FBN2: variants seen among roughly 807,000 people sequenced by gnomAD.
FBN2 encodes the protein fibrillin 2, also known as fibrillin-2.
FBN2 carries 105 observed loss-of-function variants against 355.6 expected under a neutral mutation model. The observed-to-expected ratio is 0.30, with a 90% CI of 0.25 to 0.35. The LOEUF (loss-of-function observed/expected upper bound fraction) is 0.35. FBN2 is among the 10% of genes least tolerant of loss of function. The probability of loss-of-function intolerance (pLI) is 1.00; values close to 1 mark genes in which losing one functional copy is unlikely to be tolerated. For missense variants in FBN2, 3,280 were observed against 3,758.7 expected, an observed-to-expected ratio of 0.87 and a Z score of 3.33; for synonymous variants, 1,350 against 1,301.2, an observed-to-expected ratio of 1.04 and a Z score of -0.81.
At chr5:128,394,721 C>T (rs1752601534) in intron 9 of FBN2, among the ~76,000 whole-genome samples, 1 of 152,168 alleles carries the variant, frequency 6.6e-6, no homozygotes. Context: ...CACAAAAACA[C>T]TCAAGTCATA....
At position 128,280,251 on chromosome 5, in the gene FBN2, C is replaced by T. The variant is rs1765498718; in HGVS notation, c.7079G>A (p.Ser2360Asn). 6.2e-7 allele frequency: 1 copy of T among 1,610,914 alleles called. No individual in the cohort carries two copies. Among genetic ancestry groups the T allele is most frequent in the Admixed American group, 1.7e-5 (1 of 59,994 alleles). Residue 2360 changes from serine (S) to asparagine (N), a missense_variant, in exon 56 of 65, where the codon AGC (serine) becomes AAC (asparagine). Transcript: ENST00000262464. ...TCCTTCATTACACTCACATCTATAG[C>T]TTCCAATAATGTTAACACAACGTCC... ...ENGRCVNIIG[S>N]YRCECNEGFQ...
intron 15 of FBN2, among the ~76,000 whole-genome samples, chr5:128,373,325 G>A (rs73345263): frequency 0.035 from 5,273 of 152,258 alleles, 281 homozygotes; most frequent in African/African-American, 0.12. Flanking sequence ...AGCTCTGTAA[G>A]CAGGAAGAAG....
At chr5:128,424,905 C>T (rs1753445840) in intron 7 of FBN2, among the ~76,000 whole-genome samples, 1 of 152,062 alleles carries the variant, frequency 6.6e-6, no homozygotes, top group Non-Finnish European at 1.5e-5. Flanking sequence ...TTACTGATAA[C>T]ATAGTCAAAC....
At chr5:128,306,729 C>G (rs1183080642) in intron 42 of FBN2, among the ~76,000 whole-genome samples, 3 of 152,012 alleles carry the variant, frequency 2.0e-5, no homozygotes, top group African/African-American at 7.3e-5. Flanking sequence ...TAAGTCTGCA[C>G]ATTCATATTT....
chr5:128,444,586 G>A (rs750930519), intron 7 of FBN2, among the ~76,000 whole-genome samples: 19 of 152,144 alleles, frequency 1.2e-4, no homozygotes, highest in Non-Finnish European at 2.6e-4. Flanking sequence ...TGGTTAAATG[G>A]ATTTGGCTGC....
At chr5:128,361,328 G>A (rs1189479572) in intron 19 of FBN2, among the ~76,000 whole-genome samples, 2 of 152,164 alleles carry the variant, frequency 1.3e-5, no homozygotes, top group African/African-American at 2.4e-5. Flanking sequence ...TAAATAAAAT[G>A]CCTAAGAGTT....
chr5:128,522,911 A>G (rs1756472729), intron 4 of FBN2, among the ~76,000 whole-genome samples: 1 of 152,200 alleles, frequency 6.6e-6, no homozygotes, highest in South Asian at 2.1e-4. Flanking sequence ...AGAGAGCAAA[A>G]GATGTACTAC....
rs200780643 is a variant in FBN2, at chr5:128,401,683, AG to A, written c.1079-6410del. On this transcript the variant is annotated intron_variant, in intron 8 of 64. Transcript: ENST00000262464. The stretch of plus-strand genomic sequence containing the variant: ...GTAGTCCCAGCTACTTGGAAGGCTG[AG>A]GCAGGGTAATCACTTGAACCCGGGA... Among the ~76,000 whole-genome samples, 969 of 152,286 alleles carry A rather than the reference AG, an allele frequency of 6.4e-3. 12 individuals carry two copies. Among genetic ancestry groups the A allele is most frequent in the African/African-American group, 0.022 (908 of 41,560 alleles).
intron 6 of FBN2, among the ~76,000 whole-genome samples, chr5:128,460,552 C>T (rs750214490): frequency 6.6e-6 from 1 of 152,106 alleles, no homozygotes; most frequent in African/African-American, 2.4e-5. Context: ...ATAACCAAGA[C>T]AATCCTAAGC....
intron 55 of FBN2, among the ~76,000 whole-genome samples, chr5:128,285,612 T>TC (rs1749126966): frequency 7.3e-6 from 1 of 137,134 alleles, no homozygotes; most frequent in East Asian, 2.5e-4. Flanking sequence ...CCCCCACCAC[T>TC]CCTATCAATC....
rs138808698 is a variant in FBN2, at chr5:128,308,831, C to T, written c.5353+416G>A. On this transcript the variant is annotated intron_variant, in intron 41 of 64. Transcript: ENST00000262464. ...AAAAACACTTTTTGCATATTTTCCA[C>T]GGCTGAACTAAAAAAAAATCCTTAT... Among the ~76,000 whole-genome samples, 25 of 152,174 alleles carry T rather than the reference C, an allele frequency of 1.6e-4. No individual in the cohort carries two copies. The East Asian group carries it at 2.3e-3, about 14-fold the overall frequency.
chr5:128,534,059 TG>T, intron 2 of FBN2, among the ~76,000 whole-genome samples: 1 of 152,174 alleles, frequency 6.6e-6, no homozygotes, highest in Non-Finnish European at 1.5e-5. Flanking sequence ...TTATAAAGCC[TG>T]TCAAACACTA....
chr5:128,436,971 C>T (rs1753783285), intron 7 of FBN2, among the ~76,000 whole-genome samples: 1 of 152,176 alleles, frequency 6.6e-6, no homozygotes, highest in African/African-American at 2.4e-5. Flanking sequence ...TAAGCCAAAA[C>T]AAGGCTCCAG....
At position 128,393,251 on chromosome 5, in the gene FBN2, C is replaced by T; in HGVS notation, c.1349G>A (p.Gly450Asp). 1.2e-6 allele frequency: 2 copies of T among 1,614,180 alleles called. No individual in the cohort carries two copies. The highest frequency in any genetic ancestry group is 1.7e-6 in the Non-Finnish European group (2 of 1,180,020). ...NGFAPSGNGN[G>D]YGPGGTGFIP... is the part of the protein sequence containing the mutation. ...GAAGCCTGTCCCTCCTGGGCCATAG[C>T]CATTGCCATTGCCACTTGGGGCAAA... is the stretch of plus-strand genomic sequence containing the variant. Residue 450 changes from glycine to aspartate, a missense_variant, in exon 10 of 65, where the codon GGC (glycine) becomes GAC (aspartate). Coordinates refer to ENST00000262464, the MANE Select transcript of FBN2 (RefSeq NM_001999.4).
At chr5:128,440,942 T>C (rs976893446) in intron 7 of FBN2, among the ~76,000 whole-genome samples, 1 of 152,108 alleles carries the variant, frequency 6.6e-6, no homozygotes, top group African/African-American at 2.4e-5. Context: ...CTATTATGAG[T>C]GCAGTGCTTA....
At chr5:128,394,328 A>G (rs1444873701) in intron 9 of FBN2, among the ~76,000 whole-genome samples, 1 of 152,196 alleles carries the variant, frequency 6.6e-6, no homozygotes, top group African/African-American at 2.4e-5. Context: ...ACTACTTCTC[A>G]TTAACCCTAA....
At position 128,311,300 on chromosome 5, in the gene FBN2, C is replaced by T; in HGVS notation, c.5074G>A (p.Asp1692Asn). 6.2e-7 allele frequency: 1 copy of T among 1,614,024 alleles called. No homozygotes were observed. Among genetic ancestry groups the T allele is most frequent in the Non-Finnish European group, 8.5e-7 (1 of 1,179,976 alleles). ...YLSEDTRICE[D>N]IDECFAHPGV... ...ATTTTAGGCATCAAATTCATCTCAC[C>T]TTCACAGATGCGGGTATCCTCGCTG... The change falls in exon 39 of 65, where the codon GAT becomes AAT. Residue 1692 changes from aspartate (D) to asparagine (N), a missense_variant and splice_region_variant. This residue lies in a region of FBN2 where 2,284 missense variants were observed against 2,749.5 expected (regional missense o/e 0.83). Transcript: ENST00000262464.
At chr5:128,282,027 G>A (rs1765563220) in intron 55 of FBN2, among the ~76,000 whole-genome samples, 1 of 152,048 alleles carries the variant, frequency 6.6e-6, no homozygotes, top group African/African-American at 2.4e-5. Flanking sequence ...TTCTAAAACA[G>A]ATTTCTGACC....
At chr5:128,532,061 C>A (rs1024594287) in intron 2 of FBN2, among the ~76,000 whole-genome samples, 1 of 152,116 alleles carries the variant, frequency 6.6e-6, no homozygotes, top group African/African-American at 2.4e-5. Flanking sequence ...AGGAGACAGA[C>A]AACATGAAAT....
Sources: allele counts gnomAD v4.1 joint callset (sites outside exome capture counted in the v4.1 genomes callset), GRCh38; gene constraint gnomAD v4.1.1; regional missense constraint gnomAD v4.1.1; transcripts MANE v1.5; gene names NCBI Gene and HGNC (gene_info 2026-07-23, HGNC 2026-07-21).